The following NEURL3 variants were observed in gnomAD, a reference collection of about 807,000 sequenced individuals.
NEURL3 encodes neuralized E3 ubiquitin protein ligase 3, also known as E3 ubiquitin-protein ligase NEURL3.
Under a neutral mutation model 17.6 loss-of-function variants are expected in NEURL3, and 19 were observed. The ratio of observed to expected loss-of-function variants is 1.08; its 90% CI spans 0.75 to 1.58. The LOEUF (loss-of-function observed/expected upper bound fraction) is 1.58. Among genes scored for constraint, NEURL3 ranks in the 40% most tolerant of loss-of-function variants. The pLI, the probability that NEURL3 is intolerant of heterozygous loss-of-function variation, is 0.00. For missense variants in NEURL3, 342 were observed against 379.6 expected (o/e 0.90, Z 0.82); for synonymous variants, 180 against 161.4 (o/e 1.11, Z -0.87).
chr2:96,499,482 G>A (rs78987811), intron 2 of NEURL3, 33 bp from the exon 3 acceptor site: 13 of 1,587,224 alleles, frequency 8.2e-6, no homozygotes, highest in East Asian at 6.7e-5. Flanking sequence ...GGTCCAGGAC[G>A]GCAAGCCCAG....
chr2:96,501,877 C>G (rs1365781813), intron 1 of NEURL3, among the ~76,000 whole-genome samples: 1 of 152,148 alleles, frequency 6.6e-6, no homozygotes, highest in Non-Finnish European at 1.5e-5. Flanking sequence ...CGAATTCAAT[C>G]AGAACTTAAG....
intron 1 of NEURL3, 66 bp from the exon 2 acceptor site, chr2:96,500,990 C>T (rs1326423795): frequency 1.4e-6 from 2 of 1,429,054 alleles, no homozygotes; most frequent in Admixed American, 2.8e-5. Flanking sequence ...CCCAGAGAGC[C>T]CCCAGTATCC....
intron 1 of NEURL3, among the ~76,000 whole-genome samples, chr2:96,501,486 G>A (rs1175350332): frequency 2.6e-5 from 4 of 152,038 alleles, no homozygotes; most frequent in African/African-American, 4.8e-5. Flanking sequence ...ATGGGGAACT[G>A]CATCACTTGT....
rs1336183112 is a variant in NEURL3, at chr2:96,498,852, A to C, written c.587-406T>G. Among the ~76,000 whole-genome samples the C allele has an allele frequency of 6.6e-6, 1 of 152,112 alleles. No individual in the cohort carries two copies. The highest frequency in any genetic ancestry group is 1.5e-5 in the Non-Finnish European group (1 of 68,026). ...GAGTGCAGTGGTGTGATCACAGCTC[A>C]CTGCAGCCTCAGCCAGCTGGGCTCA... is the stretch of plus-strand genomic sequence containing the variant. On this transcript the variant is annotated intron_variant, in intron 3 of 3. Transcript: ENST00000451794. The surrounding 1 kb of genome is among the most constrained non-coding windows in gnomAD (Gnocchi z 4.4).
Position 96,498,044 on chromosome 2 carries a change from G to T in NEURL3, c.*200C>A. 1.7e-6 allele frequency: 1 copy of T among 596,122 alleles called. No individual in the cohort carries two copies. Among genetic ancestry groups the T allele is most frequent in the Non-Finnish European group, 2.9e-6 (1 of 341,060 alleles). 36.9% of individuals were successfully genotyped at this position (596,122 alleles called of 1,614,324 possible). A position where few individuals can be genotyped will look rare whatever the true frequency, so the allele number is the denominator to read the frequency against. On this transcript the variant is annotated 3_prime_UTR_variant, in exon 4 of 4. Coordinates refer to ENST00000451794, the MANE Select transcript of NEURL3 (RefSeq NM_001285485.2). This position sits in a 1 kb window ranked among gnomAD's most constrained non-coding sequence, Gnocchi z 4.4. ...AGTTCTGGCATGGACAGAAAGAGGG[G>T]TTTTTCCTTGCTATCCTGTTGGGGA...
intron 1 of NEURL3, among the ~76,000 whole-genome samples, chr2:96,502,393 G>C (rs775822520): frequency 5.3e-5 from 8 of 152,188 alleles, no homozygotes; most frequent in Non-Finnish European, 1.0e-4. Context: ...AGGGCAGTGG[G>C]ATACCAGCTG....
At chr2:96,503,349 T>G (rs2065528572) in intron 1 of NEURL3, among the ~76,000 whole-genome samples, 1 of 152,156 alleles carries the variant, frequency 6.6e-6, no homozygotes, top group Non-Finnish European at 1.5e-5. Flanking sequence ...TAAGTCCTCA[T>G]GTCACCAGGG....
intron 1 of NEURL3, among the ~76,000 whole-genome samples, chr2:96,502,315 G>A (rs561308646): frequency 3.9e-5 from 6 of 152,320 alleles, no homozygotes; most frequent in South Asian, 2.1e-4. Flanking sequence ...ATGGAGAGCC[G>A]GAGCCATGCT....
chr2:96,498,444 T>C lies in NEURL3; in HGVS notation c.589A>G (p.Thr197Ala). ...CAGATGGCACACTCCTCTCCTGGTG[T>C]GGCTGGAAGAGGGAGCAACACAGGT... ...SNKAVPEPKA[T>A]PGEECAICFY... The change falls in exon 4 of 4, where the codon ACA becomes GCA. Residue 197 changes from threonine (T) to alanine (A), a missense_variant and splice_region_variant. Physicochemically the swap from Thr to Ala is moderately conservative, Grantham distance 58. Coordinates refer to ENST00000451794, the MANE Select transcript of NEURL3 (RefSeq NM_001285485.2). The surrounding 1 kb of genome is among the most constrained non-coding windows in gnomAD (Gnocchi z 4.4). The C allele has an allele frequency of 6.3e-7, 1 of 1,594,144 alleles. No individual in the cohort carries two copies. The highest frequency in any genetic ancestry group is 8.5e-7 in the Non-Finnish European group (1 of 1,175,554).
At chr2:96,507,192 C>T (rs1367844289), upstream of NEURL3, among the ~76,000 whole-genome samples, 2 of 152,168 alleles carry the variant, frequency 1.3e-5, no homozygotes, top group Non-Finnish European at 2.9e-5. Context: ...CGACTCTCCC[C>T]GGTTTATTAC....
At chr2:96,504,891 A>AAAAAAAAAAAAAAAAAAAAAAAAAAC (rs2065547558) in intron 1 of NEURL3, among the ~76,000 whole-genome samples, 1 of 149,326 alleles carries the variant, frequency 6.7e-6, no homozygotes, top group African/African-American at 2.4e-5. Context: ...AAAAAAAAAA[A>AAAAAAAAAAAAAAAAAAAAAAAAAAC]AAAAAAAAAG....
chr2:96,504,877 C>CAAAAAAAAAAAAAAAAAAAAAA (rs1157285400), intron 1 of NEURL3, among the ~76,000 whole-genome samples: 77 of 55,272 alleles, frequency 1.4e-3, no homozygotes, highest in East Asian at 3.9e-3. Flanking sequence ...GACTCCGTCT[C>CAAAAAAAAAAAAAAAAAAAAAA]AAAAAAAAAA....
chr2:96,504,085 G>T (rs979810176), intron 1 of NEURL3, among the ~76,000 whole-genome samples: 1 of 152,170 alleles, frequency 6.6e-6, no homozygotes, highest in Non-Finnish European at 1.5e-5. Context: ...CCTCTGGGGT[G>T]TCTCTACTCC....
intron 1 of NEURL3, among the ~76,000 whole-genome samples, chr2:96,501,359 C>T (rs996041342): frequency 6.6e-6 from 1 of 152,062 alleles, no homozygotes; most frequent in Non-Finnish European, 1.5e-5. Context: ...CCAGCCCATA[C>T]ATTTATTCCA....
chr2:96,505,212 C>T, intron 1 of NEURL3, 47 bp downstream of exon 1: 1 of 1,595,588 alleles, frequency 6.3e-7, no homozygotes, highest in Non-Finnish European at 8.5e-7. Flanking sequence ...GCTACCTGTA[C>T]CCCCAGTCCA....
At chr2:96,502,333 C>T (rs904115346) in intron 1 of NEURL3, among the ~76,000 whole-genome samples, 12 of 152,230 alleles carry the variant, frequency 7.9e-5, no homozygotes, top group African/African-American at 2.4e-5. Flanking sequence ...GCTGGGGTCC[C>T]TGACATCAGT....
At chr2:96,505,418 T>G, upstream of NEURL3, 1 of 830,018 alleles carries the variant, frequency 1.2e-6, no homozygotes. Context: ...AGTTGATGAT[T>G]AATTCAATGG....
At chr2:96,502,914 AG>A (rs1431112011) in intron 1 of NEURL3, among the ~76,000 whole-genome samples, 1 of 152,230 alleles carries the variant, frequency 6.6e-6, no homozygotes, top group Non-Finnish European at 1.5e-5. Context: ...CACCCAGTGC[AG>A]CCCCTACAGA....
chr2:96,504,195 C>G (rs923764946), intron 1 of NEURL3, among the ~76,000 whole-genome samples: 8 of 152,208 alleles, frequency 5.3e-5, no homozygotes, highest in Admixed American at 4.6e-4. Flanking sequence ...GATCTCCATC[C>G]TCACCACTCC....
Sources: gnomAD v4.1 joint callset for allele counts (sites outside exome capture counted in the v4.1 genomes callset) on GRCh38, gnomAD v4.1.1 for gene constraint, Gnocchi (gnomAD v3.1) non-coding constraint, MANE v1.5 for transcripts, NCBI Gene and HGNC (gene_info 2026-07-23, HGNC 2026-07-21) for gene names.